Variants in PCDHA1 observed in about 807,000 individuals in gnomAD.
PCDHA1 encodes protocadherin alpha-1.
A neutral mutation model predicts 61.3 loss-of-function variants in PCDHA1; 42 were observed. The observed-to-expected ratio is 0.69, with a 90% CI of 0.54 to 0.89. The LOEUF (loss-of-function observed/expected upper bound fraction) is 0.89. PCDHA1 is among the 40% of genes least tolerant of loss of function. The pLI is 0.00. For missense variants in PCDHA1, 1,256 were observed against 1,235.3 expected, an observed-to-expected ratio of 1.02 and a Z score of -0.25; for synonymous variants, 610 against 553.8, an observed-to-expected ratio of 1.10 and a Z score of -1.43.
intron 1 of PCDHA1, among the ~76,000 whole-genome samples, chr5:140,832,976 A>G (rs2150205611): frequency 1.2e-4 from 18 of 152,224 alleles, no homozygotes; most frequent in African/African-American, 4.3e-4. Flanking sequence ...AAATGTACCT[A>G]GAAATGAGGA....
At chr5:140,930,918 T>G (rs1554208161) in intron 1 of PCDHA1, among the ~76,000 whole-genome samples, 1 of 152,180 alleles carries the variant, frequency 6.6e-6, no homozygotes, top group East Asian at 1.9e-4. Context: ...ACTTTAGATG[T>G]GTATATGTGG....
intron 1 of PCDHA1, chr5:140,802,318 T>C: frequency 6.2e-7 from 1 of 1,614,276 alleles, no homozygotes; most frequent in East Asian, 2.2e-5. Context: ...CTGATCAGCG[T>C]GTCCGACCGC....
At chr5:140,836,073 G>C in intron 1 of PCDHA1, 1 of 1,613,652 alleles carries the variant, frequency 6.2e-7, no homozygotes. Flanking sequence ...CAACGCGCCG[G>C]CACTGCTGGC....
At position 140,786,280 on chromosome 5, in the gene PCDHA1, G is replaced by A. The variant is rs782147090; in HGVS notation, c.-11G>A. ...AAGAGGAGAGCATAAGAAAGGTGTA[G>A]TCCTTTTGCAATGGTGTTTTCTAGG... On this transcript the variant is annotated 5_prime_UTR_variant, in exon 1 of 4. Transcript: ENST00000504120. 2 of 1,588,304 alleles carry A rather than the reference G, an allele frequency of 1.3e-6. No homozygotes were observed. The highest frequency in any genetic ancestry group is 1.7e-6 in the Non-Finnish European group (2 of 1,168,476).
intron 1 of PCDHA1, among the ~76,000 whole-genome samples, chr5:140,874,106 T>C (rs1554167018): frequency 1.3e-5 from 2 of 152,266 alleles, no homozygotes; most frequent in African/African-American, 4.8e-5. Flanking sequence ...TTTTAATTAC[T>C]TAACGTTTTA....
chr5:140,966,538 C>T, intron 1 of PCDHA1: 2 of 463,262 alleles, frequency 4.3e-6, no homozygotes, highest in South Asian at 1.1e-4. Flanking sequence ...GGTTGAGCGA[C>T]TCGGAGGCGA....
At chr5:140,899,575 G>C (rs1347901369) in intron 1 of PCDHA1, among the ~76,000 whole-genome samples, 1 of 152,086 alleles carries the variant, frequency 6.6e-6, no homozygotes, top group African/African-American at 2.4e-5. Flanking sequence ...TGCTGGATTC[G>C]GTTTGCCAGT....
At chr5:140,822,929 C>A (rs1418522514) in intron 1 of PCDHA1, 1 of 1,614,266 alleles carries the variant, frequency 6.2e-7, no homozygotes, top group Non-Finnish European at 8.5e-7. Context: ...GGGCAGGTGA[C>A]CTGCTCCCTA....
chr5:140,823,977 C>T (rs563481836), intron 1 of PCDHA1: 1 of 1,614,044 alleles, frequency 6.2e-7, no homozygotes, highest in African/African-American at 1.3e-5. Flanking sequence ...GCACACGGGG[C>T]AAGCCCACTC....
At chr5:140,898,062 T>G (rs2066502065) in intron 1 of PCDHA1, among the ~76,000 whole-genome samples, 1 of 152,110 alleles carries the variant, frequency 6.6e-6, no homozygotes, top group African/African-American at 2.4e-5. Flanking sequence ...TAAATTTGTT[T>G]GAGTTCATTG....
At position 140,853,959 on chromosome 5, in the gene PCDHA1, G is replaced by A. The variant is rs2042923125; in HGVS notation, c.2394+65275G>A. 2.7e-6 allele frequency: 2 copies of A among 736,852 alleles called. 1 individual carries two copies. The highest frequency in any genetic ancestry group is 3.4e-6 in the Non-Finnish European group (2 of 589,618). The allele number at this position is 736,852 out of a possible 1,614,324, so 45.6% of individuals were successfully genotyped here. On this transcript the variant is annotated intron_variant, in intron 1 of 3. Transcript: ENST00000504120. ...CAAGGTGGGAGGGTCCCTTCCTTGA[G>A]CCCAGCAGTTTGAGACCAATGTAGT...
At chr5:140,975,053 A>C (rs2096651589) in intron 1 of PCDHA1, among the ~76,000 whole-genome samples, 1 of 152,144 alleles carries the variant, frequency 6.6e-6, no homozygotes, top group Admixed American at 6.5e-5. Flanking sequence ...GGAAGAATCT[A>C]CTATCGAGCT....
In PCDHA1 at chr5:140,787,651, C is replaced by T. The variant is rs782075434; in HGVS notation, c.1361C>T (p.Ala454Val). Residue 454 changes from alanine (A) to valine (V), a missense_variant, in exon 1 of 4, where the codon GCG becomes GTG. Coordinates refer to ENST00000504120, the MANE Select transcript of PCDHA1 (RefSeq NM_018900.4). ...GCCGACGTGAATGACAACGCGCCTG[C>T]GTTCGCGCAGCCCGAGTACACAGTA... ...EVADVNDNAP[A>V]FAQPEYTVFV... 1 of 1,614,018 alleles carries T rather than the reference C, an allele frequency of 6.2e-7. No individual in the cohort carries two copies. The highest frequency in any genetic ancestry group is 8.5e-7 in the Non-Finnish European group (1 of 1,179,972).
At chr5:140,901,941 T>C (rs1350790379) in intron 1 of PCDHA1, among the ~76,000 whole-genome samples, 3 of 152,110 alleles carry the variant, frequency 2.0e-5, no homozygotes, top group African/African-American at 7.2e-5. Flanking sequence ...CTAGGTATAT[T>C]TAGTTTTATT....
At chr5:140,801,835 C>T (rs1762796543) in intron 1 of PCDHA1, 2 of 1,614,054 alleles carry the variant, frequency 1.2e-6, no homozygotes. Context: ...TTACTAATAA[C>T]AGCAATTGAT....
chr5:140,878,027 G>C, intron 1 of PCDHA1: 1 of 699,256 alleles, frequency 1.4e-6, no homozygotes, highest in Non-Finnish European at 2.1e-6. Flanking sequence ...GAAATATGTA[G>C]GTACAATGGA....
chr5:140,972,391 C>T (rs1554234093), intron 1 of PCDHA1, among the ~76,000 whole-genome samples: 3 of 151,490 alleles, frequency 2.0e-5, no homozygotes, highest in African/African-American at 7.3e-5. Flanking sequence ...TGTTTATTTG[C>T]TTCACTATTG....
intron 1 of PCDHA1, among the ~76,000 whole-genome samples, chr5:140,942,962 A>G (rs2153660638): frequency 6.6e-6 from 1 of 152,216 alleles, no homozygotes; most frequent in South Asian, 2.1e-4. Flanking sequence ...CTGTTATCAG[A>G]ATTAAATTTT....
rs1030293372 is a variant in PCDHA1 at position 140,856,468 on chromosome 5, A to C, written c.2394+67784A>C. ...TCTCCGTAACAGAACAAAAGCTCTC[A>C]ATACCTGAATCCAGACTGCTTGACT... On this transcript the variant is annotated intron_variant, in intron 1 of 3. Transcript: ENST00000504120. 2.2e-5 allele frequency: 35 copies of C among 1,597,788 alleles called. 3 individuals are homozygous for C. The East Asian group carries it at 7.4e-4, about 34-fold the overall frequency.
Sources: gnomAD v4.1 joint callset for allele counts (sites outside exome capture counted in the v4.1 genomes callset) on GRCh38, gnomAD v4.1.1 for gene constraint, MANE v1.5 for transcripts, NCBI Gene and HGNC (gene_info 2026-07-23, HGNC 2026-07-21) for gene names.